The following UMPS variants were observed in gnomAD, a reference collection of about 807,000 sequenced individuals.
The protein encoded by UMPS is uridine 5'-monophosphate synthase.
UMPS carries 21 observed loss-of-function variants against 38.9 expected under a neutral mutation model. The ratio of observed to expected loss-of-function variants is 0.54; its 90% CI spans 0.38 to 0.78. The LOEUF (loss-of-function observed/expected upper bound fraction) is 0.78. Among genes scored for constraint, UMPS ranks in the 30% least tolerant of loss-of-function variants. UMPS has a pLI of 0.00. For synonymous variants in UMPS, 208 were observed against 219.3 expected (o/e 0.95, Z 0.45); for missense variants, 533 against 591.6 (o/e 0.90, Z 1.03).
chr3:124,732,023 C>T (rs2150891190), intron 1 of UMPS, among the ~76,000 whole-genome samples: 1 of 151,896 alleles, frequency 6.6e-6, no homozygotes, highest in South Asian at 2.1e-4. Context: ...TCGTCTCAAA[C>T]TCCTGGCCTC....
Position 124,730,460 on chromosome 3 carries a change from C to A in UMPS, c.-12C>A. On this transcript the variant is annotated 5_prime_UTR_variant, in exon 1 of 6. Coordinates refer to ENST00000232607, the MANE Select transcript of UMPS (RefSeq NM_000373.4). ...CGCCTGGGAATTTGAAGCAAACAGG[C>A]AGCGCGCGACAATGGCGGTCGCTCG... 3 of 1,613,926 alleles carry A rather than the reference C, an allele frequency of 1.9e-6. No individual in the cohort carries two copies. Among genetic ancestry groups the A allele is most frequent in the Admixed American group, 1.7e-5 (1 of 59,978 alleles).
Position 124,747,120 on chromosome 3 carries a change from C to G in UMPS, c.*3036C>G, listed in dbSNP as rs906866509. On this transcript the variant is annotated 3_prime_UTR_variant, in exon 6 of 6. Coordinates refer to ENST00000232607, the MANE Select transcript of UMPS (RefSeq NM_000373.4). Reference sequence around the variant, plus strand: ...AAGCGATCCGCTCAAGTAGCTGGAACTACTCTCAAGTAGCTCTCAAGAGCC... The same window carrying G: ...AAGCGATCCGCTCAAGTAGCTGGAAGTACTCTCAAGTAGCTCTCAAGAGCC... The G allele has an allele frequency of 4.4e-6, 2 of 453,944 alleles. No homozygotes were observed. The highest frequency in any genetic ancestry group is 8.8e-6 in the Non-Finnish European group (2 of 226,700). 28.1% of individuals were successfully genotyped at this position (453,944 alleles called of 1,614,324 possible).
rs372796910 is a variant in UMPS at position 124,745,154 on chromosome 3, G to T, written c.*1070G>T. 5.7e-5 allele frequency: 26 copies of T among 454,112 alleles called. No individual in the cohort carries two copies. In the East Asian group the frequency reaches 1.8e-3, roughly 32 times the overall value. The allele number at this position is 454,112 out of a possible 1,614,324, so 28.1% of individuals were successfully genotyped here. The stretch of plus-strand genomic sequence containing the variant: ...CCCAACGGTCATTAGTAGAGGGGAG[G>T]TAAGCCTTCATTAATAATAAAGAGA... On this transcript the variant is annotated 3_prime_UTR_variant, in exon 6 of 6. Coordinates refer to ENST00000232607, the MANE Select transcript of UMPS (RefSeq NM_000373.4).
chr3:124,748,467 C>A lies in UMPS; in HGVS notation c.*4383C>A, dbSNP rs13089857. The A allele has an allele frequency of 2.2e-6, 1 of 453,618 alleles. No individual in the cohort carries two copies. Among genetic ancestry groups the A allele is most frequent in the Non-Finnish European group, 4.4e-6 (1 of 226,748 alleles). The allele number at this position is 453,618 out of a possible 1,614,324, so 28.1% of individuals were successfully genotyped here. ...AAATAATTAGAATATTTTTTAACTT[C>A]TAAAGTTCAAGGTTTTGGCATAAGT... On this transcript the variant is annotated 3_prime_UTR_variant, in exon 6 of 6. Coordinates refer to ENST00000232607, the MANE Select transcript of UMPS (RefSeq NM_000373.4).
chr3:124,732,415 C>CT (rs879222740), intron 1 of UMPS: 1 of 154,732 alleles, frequency 6.5e-6, no homozygotes, highest in Non-Finnish European at 1.5e-5. Context: ...TGCTTCTCAA[C>CT]TTTGAGTATA....
chr3:124,737,686 C>T lies in UMPS; in HGVS notation c.429C>T (p.Gly143=). ...LETVEVLQKE[G]LKVTDAIVLL... is the part of the protein sequence containing the mutation. Reference sequence around the variant, plus strand: ...CTGTTGAGGTTCTTCAGAAGGAGGGCTTGAAGGTCACTGATGCCATAGTGC... The same window carrying T: ...CTGTTGAGGTTCTTCAGAAGGAGGGTTTGAAGGTCACTGATGCCATAGTGC... The change falls in exon 3 of 6, where the codon GGC becomes GGT. Residue 143 remains glycine, a synonymous_variant. Transcript: ENST00000232607. 2 of 1,614,080 alleles carry T rather than the reference C, an allele frequency of 1.2e-6. No individual in the cohort carries two copies. The highest frequency in any genetic ancestry group is 1.7e-6 in the Non-Finnish European group (2 of 1,180,024).
At chr3:124,740,244 G>A in intron 4 of UMPS, 45 bp downstream of exon 4, 1 of 1,534,624 alleles carries the variant, frequency 6.5e-7, no homozygotes, top group Non-Finnish European at 8.8e-7. Flanking sequence ...GGGCTGCTAT[G>A]CTGCATGCTG....
intron 3 of UMPS, among the ~76,000 whole-genome samples, chr3:124,739,503 T>A (rs1345431369): frequency 6.6e-6 from 1 of 151,886 alleles, no homozygotes; most frequent in Non-Finnish European, 1.5e-5. Context: ...AGCTAATTTT[T>A]TTGTATTTTT....
chr3:124,741,120 A>C (rs760395995), intron 4 of UMPS, among the ~76,000 whole-genome samples: 3 of 152,176 alleles, frequency 2.0e-5, no homozygotes, highest in African/African-American at 4.8e-5. Context: ...TTTTAACCCT[A>C]TCCCTGAATT....
intron 3 of UMPS, 24 bp from the exon 4 acceptor site, chr3:124,740,000 A>G (rs1382980054): frequency 3.7e-6 from 6 of 1,613,646 alleles, no homozygotes; most frequent in Non-Finnish European, 4.2e-6. Flanking sequence ...ATCAGCAAAT[A>G]TCTTTTTTCC....
intron 2 of UMPS, among the ~76,000 whole-genome samples, chr3:124,735,806 G>A (rs1405441158): frequency 2.0e-5 from 3 of 151,954 alleles, no homozygotes; most frequent in South Asian, 2.1e-4. Flanking sequence ...GTAAAACTCC[G>A]TCTCTACTAA....
Position 124,747,049 on chromosome 3 carries a change from C to G in UMPS, c.*2965C>G. ...TGATACAGGGTCTTCACTCTGTTGC[C>G]CAGGCTGGAGTATATCATGGCTCAC... On this transcript the variant is annotated 3_prime_UTR_variant, in exon 6 of 6. Transcript: ENST00000232607. The G allele has an allele frequency of 2.2e-6, 1 of 453,770 alleles. No individual in the cohort carries two copies. Among genetic ancestry groups the G allele is most frequent in the South Asian group, 1.6e-5 (1 of 64,434 alleles). 28.1% of individuals were successfully genotyped at this position (453,770 alleles called of 1,614,324 possible).
At chr3:124,732,069 C>T (rs1481053000) in intron 1 of UMPS, among the ~76,000 whole-genome samples, 1 of 152,208 alleles carries the variant, frequency 6.6e-6, no homozygotes, top group African/African-American at 2.4e-5. Context: ...TCCCAAGTAG[C>T]TGGGACTACA....
chr3:124,742,284 T>G lies in UMPS; in HGVS notation c.1273+18T>G, dbSNP rs1336472751. ...AGCAGGAGGTAAATCTGGTCACTGG[T>G]CGTGGCTCTTCCAAAAATGCTTCTT... On this transcript the variant is annotated intron_variant, in intron 5 of 5. Transcript: ENST00000232607. The G allele has an allele frequency of 6.3e-7, 1 of 1,580,452 alleles. No individual in the cohort carries two copies. Among genetic ancestry groups the G allele is most frequent in the Non-Finnish European group, 8.7e-7 (1 of 1,149,306 alleles).
At chr3:124,734,296 G>A (rs1369463785) in intron 1 of UMPS, among the ~76,000 whole-genome samples, 1 of 152,036 alleles carries the variant, frequency 6.6e-6, no homozygotes, top group Non-Finnish European at 1.5e-5. Flanking sequence ...GTGGGAATAT[G>A]TATCCTAACA....
At chr3:124,737,545 CA>C (rs1183365748) in intron 2 of UMPS, 22 bp from the exon 3 acceptor site, 1 of 1,612,968 alleles carries the variant, frequency 6.2e-7, no homozygotes, top group Non-Finnish European at 8.5e-7. Context: ...AATTTGGAAT[CA>C]GCAAAATTTT....
At chr3:124,742,362 A>G (rs2063563079) in intron 5 of UMPS, 96 bp downstream of exon 5, 1 of 907,146 alleles carries the variant, frequency 1.1e-6, no homozygotes, top group Non-Finnish European at 1.8e-6. Flanking sequence ...CTTGCTTAAG[A>G]AAAGCCTTCT....
intron 1 of UMPS, chr3:124,731,548 T>C (rs1249221090): frequency 2.3e-6 from 1 of 433,168 alleles, no homozygotes; most frequent in Non-Finnish European, 4.6e-6. Context: ...TGCAGCTCTG[T>C]GATCATAGCT....
intron 2 of UMPS, 93 bp from the exon 3 acceptor site, chr3:124,737,452 ATACACATATACTGTATGTGTAAC>A: frequency 1.1e-6 from 1 of 915,842 alleles, no homozygotes; most frequent in African/African-American, 1.6e-5. Context: ...CAGAATTGGT[ATACACATATACTGTATGTGTAAC>A]TGGCAAGTTT....
Sources: gnomAD v4.1 joint callset for allele counts (sites outside exome capture counted in the v4.1 genomes callset) on GRCh38, gnomAD v4.1.1 for gene constraint, MANE v1.5 for transcripts, NCBI Gene and HGNC (gene_info 2026-07-23, HGNC 2026-07-21) for gene names.